The following FAM135B variants were observed in gnomAD, a reference collection of about 807,000 sequenced individuals.
The protein encoded by FAM135B is protein FAM135B.
FAM135B carries 43 observed loss-of-function variants against 127.7 expected under a neutral mutation model. That is an observed-to-expected ratio of 0.34 (90% CI 0.26 to 0.43). FAM135B has a LOEUF of 0.43. Among genes scored for constraint, FAM135B ranks in the 20% least tolerant of loss-of-function variants. The pLI, the probability that FAM135B is intolerant of heterozygous loss-of-function variation, is 1.00. For missense variants in FAM135B, 1,558 were observed against 1,725.6 expected (o/e 0.90, Z 1.72); for synonymous variants, 670 against 665.1 (o/e 1.01, Z -0.11).
chr8:138,374,840 G>T (rs1831363032), intron 1 of FAM135B, among the ~76,000 whole-genome samples: 1 of 152,162 alleles, frequency 6.6e-6, no homozygotes. Context: ...ACTGAGAGGT[G>T]TCAACATGCA....
intron 3 of FAM135B, among the ~76,000 whole-genome samples, chr8:138,279,997 G>C (rs759608261): frequency 1.9e-4 from 29 of 152,200 alleles, no homozygotes; most frequent in South Asian, 6.2e-4. Flanking sequence ...ACCAATATGG[G>C]GACTGGGAGC....
At chr8:138,202,468 T>G (rs962717690) in intron 7 of FAM135B, among the ~76,000 whole-genome samples, 8 of 152,036 alleles carry the variant, frequency 5.3e-5, no homozygotes. Context: ...CCAGGCTGGT[T>G]TTGAACTTCT....
intron 1 of FAM135B, among the ~76,000 whole-genome samples, chr8:138,464,663 G>A (rs1837297047): frequency 6.6e-6 from 1 of 152,194 alleles, no homozygotes; most frequent in African/African-American, 2.4e-5. Context: ...AAGGATTTCA[G>A]GATATTCTTC....
At chr8:138,295,910 C>T (rs944073197) in intron 3 of FAM135B, among the ~76,000 whole-genome samples, 1 of 152,092 alleles carries the variant, frequency 6.6e-6, no homozygotes, top group African/African-American at 2.4e-5. Context: ...GGCAAAAGCA[C>T]ATTTGTCAGG....
intron 9 of FAM135B, among the ~76,000 whole-genome samples, chr8:138,192,129 C>T (rs890119545): frequency 2.6e-5 from 4 of 152,206 alleles, no homozygotes; most frequent in Non-Finnish European, 1.5e-5. Context: ...AGAAAATCCA[C>T]ACAATGTAGC....
intron 3 of FAM135B, among the ~76,000 whole-genome samples, chr8:138,285,237 T>C (rs1391303411): frequency 6.7e-6 from 1 of 148,548 alleles, no homozygotes; most frequent in Non-Finnish European, 1.5e-5. Context: ...ACCTCTGCCT[T>C]CTGGGTTCAA....
Position 138,150,441 on chromosome 8 carries a change from G to A in FAM135B, c.3281+753C>T, listed in dbSNP as rs184588221. 9.6e-3 allele frequency among the ~76,000 whole-genome samples: 1,469 copies of A among 152,274 alleles called. 8 individuals carry two copies. Among genetic ancestry groups the A allele is most frequent in the Non-Finnish European group, 0.016 (1,071 of 68,020 alleles). On this transcript the variant is annotated intron_variant, in intron 13 of 19. Transcript: ENST00000395297. The stretch of plus-strand genomic sequence containing the variant: ...TCCCAGCACTTTGGGAGGCCCAGGC[G>A]GGTAGATCACGAGGTCAAGAGATCG...
chr8:138,229,614 C>T (rs1388479453), intron 7 of FAM135B, among the ~76,000 whole-genome samples: 3 of 152,116 alleles, frequency 2.0e-5, no homozygotes, highest in Non-Finnish European at 4.4e-5. Context: ...TCAGCCCTTC[C>T]ATTTTGTGAT....
chr8:138,390,682 T>C (rs558689166), intron 1 of FAM135B, among the ~76,000 whole-genome samples: 96 of 152,264 alleles, frequency 6.3e-4, no homozygotes, highest in African/African-American at 2.2e-3. Context: ...AATGAAGAAA[T>C]CAGCCATTCA....
At chr8:138,187,820 C>T (rs1815722041) in intron 9 of FAM135B, among the ~76,000 whole-genome samples, 1 of 152,168 alleles carries the variant, frequency 6.6e-6, no homozygotes, top group South Asian at 2.1e-4. Flanking sequence ...GCCAGAAAGA[C>T]CAATCCATGA....
At chr8:138,478,627 C>T (rs1814628719) in intron 1 of FAM135B, among the ~76,000 whole-genome samples, 1 of 152,108 alleles carries the variant, frequency 6.6e-6, no homozygotes, top group South Asian at 2.1e-4. Context: ...GCTCTACCTA[C>T]CAAAGTGGTG....
chr8:138,252,261 G>A (rs1277643804), intron 5 of FAM135B, among the ~76,000 whole-genome samples: 1 of 152,196 alleles, frequency 6.6e-6, no homozygotes, highest in African/African-American at 2.4e-5. Flanking sequence ...AATCACAGGA[G>A]GTATTTATTG....
In FAM135B at chr8:138,176,777, C is replaced by T. The variant is rs1166424223; in HGVS notation, c.1103+570G>A. 3.3e-5 allele frequency among the ~76,000 whole-genome samples: 5 copies of T among 152,116 alleles called. No individual in the cohort carries two copies. The East Asian group carries it at 9.6e-4, about 29-fold the overall frequency. On this transcript the variant is annotated intron_variant, in intron 11 of 19. Coordinates refer to ENST00000395297, the MANE Select transcript of FAM135B (RefSeq NM_015912.4). ...AAAAAGAAACCCTTGGACTGTGGAC[C>T]AGAGGACAAAACATATTGGAAGATT...
At position 138,243,927 on chromosome 8, in the gene FAM135B, T is replaced by C. The variant is rs933374798; in HGVS notation, c.543-859A>G. On this transcript the variant is annotated intron_variant, in intron 6 of 19. Coordinates refer to ENST00000395297, the MANE Select transcript of FAM135B (RefSeq NM_015912.4). This position sits in a 1 kb window ranked among gnomAD's most constrained non-coding sequence, Gnocchi z 7.5. ...GGCATGTTTTAGTCCCTCAGTAAAA[T>C]TTAAAGTCTCTGATGGCAAAGAGGG... is the stretch of plus-strand genomic sequence containing the variant. Among the ~76,000 whole-genome samples, 2 of 152,114 alleles carry C rather than the reference T, an allele frequency of 1.3e-5. No homozygotes were observed. The highest frequency in any genetic ancestry group is 4.8e-5 in the African/African-American group (2 of 41,446).
intron 13 of FAM135B, 42 bp downstream of exon 13, chr8:138,151,152 A>T (rs2130718566): frequency 4.9e-6 from 7 of 1,435,818 alleles, no homozygotes; most frequent in Non-Finnish European, 6.5e-6. Context: ...GGAAAAATCT[A>T]AAAGACTGTT....
At chr8:138,371,272 G>A (rs112152082) in intron 1 of FAM135B, among the ~76,000 whole-genome samples, 4,817 of 152,198 alleles carry the variant, frequency 0.032, 216 homozygotes, top group African/African-American at 0.1. Flanking sequence ...ATAGTGTCTG[G>A]CATATTGTTG....
intron 1 of FAM135B, among the ~76,000 whole-genome samples, chr8:138,460,980 C>T (rs554272862): frequency 8.5e-5 from 13 of 152,340 alleles, no homozygotes; most frequent in African/African-American, 3.1e-4. Context: ...CTCCTGTATT[C>T]AGACAGCTTG....
rs144596811 is a variant in FAM135B, at chr8:138,277,888, C to G, written c.158-12046G>C. Reference sequence around the variant, plus strand: ...CAGAAATACTGAGAATTCCAGGGACCTTGCAGGATAAGTAGACACAAGATG... The same window carrying G: ...CAGAAATACTGAGAATTCCAGGGACGTTGCAGGATAAGTAGACACAAGATG... On this transcript the variant is annotated intron_variant, in intron 3 of 19. Coordinates refer to ENST00000395297, the MANE Select transcript of FAM135B (RefSeq NM_015912.4). Among the ~76,000 whole-genome samples the G allele has an allele frequency of 5.1e-4, 77 of 152,272 alleles. No individual in the cohort carries two copies. The East Asian group carries it at 0.014, about 28-fold the overall frequency.
At chr8:138,426,940 C>G (rs924280539) in intron 1 of FAM135B, among the ~76,000 whole-genome samples, 1 of 151,924 alleles carries the variant, frequency 6.6e-6, no homozygotes, top group African/African-American at 2.4e-5. Flanking sequence ...TTTTCTGAAC[C>G]TTGACTTATG....
Sources: allele counts gnomAD v4.1 joint callset (sites outside exome capture counted in the v4.1 genomes callset), GRCh38; gene constraint gnomAD v4.1.1; non-coding constraint Gnocchi (gnomAD v3.1); transcripts MANE v1.5; gene names NCBI Gene and HGNC (gene_info 2026-07-23, HGNC 2026-07-21).